EYS: variants seen among roughly 807,000 people sequenced by gnomAD.
EYS encodes protein eyes shut homolog.
Under a neutral mutation model 282.1 loss-of-function variants are expected in EYS, and 250 were observed. That is an observed-to-expected ratio of 0.89 (90% CI 0.80 to 0.98). The LOEUF is 0.98. EYS is among the 50% of genes least tolerant of loss of function. The probability of loss-of-function intolerance (pLI) is 0.00; values close to 1 mark genes in which losing one functional copy is unlikely to be tolerated. For synonymous variants in EYS, 1,355 were observed against 1,282.9 expected (o/e 1.06, Z -1.20); for missense variants, 4,016 against 3,709.0 (o/e 1.08, Z -2.15).
At chr6:64,332,032 C>G (rs748109406) in intron 29 of EYS, among the ~76,000 whole-genome samples, 7 of 152,202 alleles carry the variant, frequency 4.6e-5, no homozygotes, top group Non-Finnish European at 8.8e-5. Context: ...GATAGTACAA[C>G]AGCTAACGCA....
At chr6:64,302,729 A>G (rs781384958) in intron 30 of EYS, among the ~76,000 whole-genome samples, 33 of 152,324 alleles carry the variant, frequency 2.2e-4, no homozygotes, top group Admixed American at 5.9e-4. Flanking sequence ...CTAGTAGCAC[A>G]AGCCTTATTT....
intron 35 of EYS, among the ~76,000 whole-genome samples, chr6:63,939,702 T>C (rs898657248): frequency 1.3e-5 from 2 of 152,010 alleles, no homozygotes; most frequent in Middle Eastern, 3.4e-3. Flanking sequence ...AGCCCAGAAA[T>C]ATTGAAAAAA....
In EYS at chr6:64,156,081, T is replaced by C. The variant is rs1439737067; in HGVS notation, c.6425-74079A>G. On this transcript the variant is annotated intron_variant, in intron 31 of 42. Transcript: ENST00000503581. ...GTGTGTATTATATATATATATTATA[T>C]ATATATGATATGGTTTGACTCTGTG... Among the ~76,000 whole-genome samples, 8 of 151,088 alleles carry C rather than the reference T, an allele frequency of 5.3e-5. No individual in the cohort carries two copies. In the South Asian group the frequency reaches 6.2e-4, roughly 12 times the overall value.
intron 12 of EYS, among the ~76,000 whole-genome samples, chr6:65,264,077 T>C (rs1767689061): frequency 6.6e-6 from 1 of 152,082 alleles, no homozygotes; most frequent in Admixed American, 6.6e-5. Context: ...TGAAATAATA[T>C]CTCTGCAGTA....
At chr6:64,790,397 A>G (rs1328798906) in intron 22 of EYS, among the ~76,000 whole-genome samples, 1 of 151,972 alleles carries the variant, frequency 6.6e-6, no homozygotes, top group Non-Finnish European at 1.5e-5. Context: ...TGATGACCAA[A>G]TCAAAGATGA....
rs1405016852 is a variant in EYS at position 64,590,332 on chromosome 6, A to ACTAGG, written c.5530_5534dup (p.Val1846LeufsTer35). The ACTAGG allele has an allele frequency of 6.4e-7, 1 of 1,551,296 alleles. No individual in the cohort carries two copies. Among genetic ancestry groups the ACTAGG allele is most frequent in the African/African-American group, 1.4e-5 (1 of 73,158 alleles). Reference sequence around the variant, plus strand: ...CAGTGGGAAATTCCTGATATTGCACACTAGGCTGAAGTTCCCATTTGGACC... The same window carrying ACTAGG: ...CAGTGGGAAATTCCTGATATTGCACACTAGGCTAGGCTGAAGTTCCCATTTGGACC... On this transcript the variant is annotated frameshift_variant, in exon 26 of 43. Coordinates refer to ENST00000503581, the MANE Select transcript of EYS (RefSeq NM_001142800.2). LOFTEE classifies it high-confidence loss of function.
chr6:65,535,286 T>C (rs143065663), intron 2 of EYS, among the ~76,000 whole-genome samples: 453 of 152,260 alleles, frequency 3.0e-3, no homozygotes, highest in Admixed American at 5.9e-3. Context: ...AATTTCATCT[T>C]GAATTTTAGC....
intron 5 of EYS, among the ~76,000 whole-genome samples, chr6:65,486,437 A>AATCAGT (rs1765785635): frequency 6.6e-6 from 1 of 152,222 alleles, no homozygotes; most frequent in Non-Finnish European, 1.5e-5. Context: ...TCTTGCTCAA[A>AATCAGT]ATCAGTTTCA....
chr6:65,319,818 A>G (rs1769421140), intron 11 of EYS, among the ~76,000 whole-genome samples: 2 of 152,072 alleles, frequency 1.3e-5, no homozygotes, highest in Admixed American at 1.3e-4. Context: ...ACAAGTATTC[A>G]CTCCACATTT....
In EYS at chr6:64,591,014, G is replaced by T. The variant is rs1380829897; in HGVS notation, c.4853C>A (p.Thr1618Lys). Residue 1618 changes from threonine to lysine, a missense_variant, in exon 26 of 43, where the codon ACA (threonine) becomes AAA (lysine). Physicochemically the swap from Thr to Lys is moderately conservative, Grantham distance 78. Transcript: ENST00000503581. The part of the protein sequence containing the change: ...GHSFSSATEI[T>K]PSVAFTEVPS... Reference sequence around the variant, plus strand: ...CACTTCTGTGAATGCCACTGATGGTGTTATTTCAGTAGCAGAAGAAAATGA... The same window carrying T: ...CACTTCTGTGAATGCCACTGATGGTTTTATTTCAGTAGCAGAAGAAAATGA... The T allele has an allele frequency of 4.5e-6, 7 of 1,551,336 alleles. No individual in the cohort carries two copies. The highest frequency in any genetic ancestry group is 6.1e-6 in the Non-Finnish European group (7 of 1,146,752).
chr6:64,177,353 A>G (rs1385663849), intron 31 of EYS, among the ~76,000 whole-genome samples: 2 of 149,454 alleles, frequency 1.3e-5, no homozygotes, highest in Non-Finnish European at 3.0e-5. Context: ...TATATATTTT[A>G]TTAGGTGATT....
chr6:65,151,733 T>A (rs1764615734), intron 12 of EYS, among the ~76,000 whole-genome samples: 4 of 152,122 alleles, frequency 2.6e-5, no homozygotes, highest in Admixed American at 1.3e-4. Flanking sequence ...TTTTCAGAGA[T>A]TAGCTATGTA....
intron 2 of EYS, among the ~76,000 whole-genome samples, chr6:65,540,773 A>T (rs1040182518): frequency 4.6e-5 from 7 of 152,156 alleles, no homozygotes; most frequent in African/African-American, 1.4e-4. Flanking sequence ...ACAAAAAAAA[A>T]TTAGTCGAGT....
chr6:65,476,010 C>G (rs1463433436), intron 5 of EYS, among the ~76,000 whole-genome samples: 3 of 151,778 alleles, frequency 2.0e-5, no homozygotes. Flanking sequence ...CTCTTAAGAG[C>G]AATTATTTAA....
At chr6:64,357,234 A>C (rs1771852026) in intron 29 of EYS, among the ~76,000 whole-genome samples, 2 of 151,690 alleles carry the variant, frequency 1.3e-5, no homozygotes, top group Admixed American at 1.3e-4. Context: ...TGACAGAATT[A>C]TATAGACAAT....
intron 12 of EYS, among the ~76,000 whole-genome samples, chr6:65,163,334 A>C (rs530264984): frequency 6.6e-6 from 1 of 151,420 alleles, no homozygotes; most frequent in South Asian, 2.1e-4. Context: ...TATAAAAGAG[A>C]GTTAAAATAG....
chr6:65,027,370 T>A (rs1484061049), intron 13 of EYS, among the ~76,000 whole-genome samples: 2 of 152,202 alleles, frequency 1.3e-5, no homozygotes. Context: ...ACAGTCTTCA[T>A]TAGCAGATTT....
intron 26 of EYS, among the ~76,000 whole-genome samples, chr6:64,553,548 C>A (rs912335691): frequency 7.4e-5 from 8 of 108,732 alleles, no homozygotes; most frequent in South Asian, 4.1e-4. Flanking sequence ...TTGTTTGACC[C>A]CCCCCCCCCC....
At chr6:64,476,220 G>A (rs1376642826) in intron 26 of EYS, among the ~76,000 whole-genome samples, 2 of 152,078 alleles carry the variant, frequency 1.3e-5, no homozygotes, top group Non-Finnish European at 2.9e-5. Flanking sequence ...CTGCCCTCCT[G>A]TCCCTGGTGC....
Sources: allele counts gnomAD v4.1 joint callset (sites outside exome capture counted in the v4.1 genomes callset), GRCh38; gene constraint gnomAD v4.1.1; transcripts MANE v1.5; gene names NCBI Gene and HGNC (gene_info 2026-07-23, HGNC 2026-07-21).